NDUFS4: variants seen among roughly 807,000 people sequenced by gnomAD.
NDUFS4 encodes NADH dehydrogenase [ubiquinone] iron-sulfur protein 4, mitochondrial.
In NDUFS4, 28 loss-of-function variants were observed where a neutral mutation model predicts 24.3. The observed-to-expected ratio is 1.15, with a 90% CI of 0.85 to 1.58. The LOEUF (loss-of-function observed/expected upper bound fraction) is 1.58. Ranked by LOEUF, NDUFS4 falls within the 40% of genes most tolerant of loss-of-function variation. NDUFS4 has a pLI of 0.00. For synonymous variants in NDUFS4, 93 were observed against 69.7 expected, an observed-to-expected ratio of 1.34 and a Z score of -1.67; for missense variants, 223 against 207.9, an observed-to-expected ratio of 1.07 and a Z score of -0.45.
At chr5:53,656,632 A>G (rs932692609) in intron 3 of NDUFS4, among the ~76,000 whole-genome samples, 8 of 152,220 alleles carry the variant, frequency 5.3e-5, no homozygotes, top group African/African-American at 1.9e-4. Flanking sequence ...TCAGGGGAGT[A>G]ATTAAAAAGA....
At chr5:53,650,580 T>C (rs1751988703) in intron 3 of NDUFS4, among the ~76,000 whole-genome samples, 1 of 152,234 alleles carries the variant, frequency 6.6e-6, no homozygotes, top group Non-Finnish European at 1.5e-5. Flanking sequence ...TGTCTCTGTC[T>C]TCAGAAATAA....
intron 2 of NDUFS4, among the ~76,000 whole-genome samples, chr5:53,610,928 G>A (rs72751863): frequency 0.13 from 19,067 of 152,030 alleles, 1,267 homozygotes; most frequent in Middle Eastern, 0.16. Flanking sequence ...AATTTAGGTT[G>A]TCATACTTAT....
At chr5:53,605,786 G>A (rs1202962036) in intron 2 of NDUFS4, among the ~76,000 whole-genome samples, 3 of 152,008 alleles carry the variant, frequency 2.0e-5, no homozygotes, top group African/African-American at 4.8e-5. Flanking sequence ...AGGCTGAGGC[G>A]GGCAGATCAC....
chr5:53,617,290 T>C (rs534337710), intron 2 of NDUFS4, among the ~76,000 whole-genome samples: 11 of 152,246 alleles, frequency 7.2e-5, no homozygotes, highest in African/African-American at 2.2e-4. Context: ...ACTCTCTGCT[T>C]CTTGAAATCT....
chr5:53,661,725 G>T (rs188248477), intron 4 of NDUFS4, among the ~76,000 whole-genome samples: 2 of 151,926 alleles, frequency 1.3e-5, no homozygotes, highest in Non-Finnish European at 2.9e-5. Context: ...ACGAAGTCCC[G>T]TGTAAGTTGG....
intron 2 of NDUFS4, among the ~76,000 whole-genome samples, chr5:53,630,334 C>T (rs547065347): frequency 5.9e-5 from 9 of 151,990 alleles, no homozygotes; most frequent in African/African-American, 1.4e-4. Flanking sequence ...TTTCAACCTT[C>T]GTGAATCCTA....
intron 1 of NDUFS4, among the ~76,000 whole-genome samples, chr5:53,582,316 T>C (rs1225757359): frequency 2.0e-5 from 3 of 152,130 alleles, no homozygotes; most frequent in Admixed American, 6.5e-5. Flanking sequence ...AAGATACTTA[T>C]CCATTTATTT....
intron 4 of NDUFS4, among the ~76,000 whole-genome samples, chr5:53,678,884 C>T (rs1740564225): frequency 1.3e-5 from 2 of 152,096 alleles, no homozygotes; most frequent in South Asian, 4.1e-4. Context: ...CTTTTTAGCT[C>T]AGCTTCCCTG....
At chr5:53,647,832 T>G (rs1751910941) in intron 3 of NDUFS4, among the ~76,000 whole-genome samples, 1 of 152,214 alleles carries the variant, frequency 6.6e-6, no homozygotes, top group African/African-American at 2.4e-5. Context: ...TGGGAGACTT[T>G]TTTTAGAAAA....
chr5:53,639,135 T>TA (rs1751636824), intron 2 of NDUFS4, among the ~76,000 whole-genome samples: 1 of 152,000 alleles, frequency 6.6e-6, no homozygotes, highest in South Asian at 2.1e-4. Flanking sequence ...GAACTTCTCT[T>TA]ACCAAAAAAT....
At chr5:53,673,920 A>C (rs536455148) in intron 4 of NDUFS4, among the ~76,000 whole-genome samples, 1 of 152,146 alleles carries the variant, frequency 6.6e-6, no homozygotes, top group Non-Finnish European at 1.5e-5. Flanking sequence ...TCATTAACCA[A>C]CTCAGAGATA....
At chr5:53,651,759 G>T (rs1374794504) in intron 3 of NDUFS4, among the ~76,000 whole-genome samples, 2 of 144,290 alleles carry the variant, frequency 1.4e-5, no homozygotes, top group Non-Finnish European at 3.0e-5. Context: ...AGGGGATCTT[G>T]GGCTTAACTT....
chr5:53,672,245 A>C (rs758736503), intron 4 of NDUFS4, among the ~76,000 whole-genome samples: 1 of 152,046 alleles, frequency 6.6e-6, no homozygotes, highest in African/African-American at 2.4e-5. Context: ...AAAAAAAAAA[A>C]CTTTCAAAAC....
chr5:53,634,852 G>A (rs1467315355), intron 2 of NDUFS4, among the ~76,000 whole-genome samples: 1 of 151,670 alleles, frequency 6.6e-6, no homozygotes, highest in African/African-American at 2.4e-5. Flanking sequence ...CTGAAAAGCT[G>A]CCAGGTATCC....
chr5:53,643,399 A>G (rs961484848), intron 2 of NDUFS4, among the ~76,000 whole-genome samples: 2 of 152,280 alleles, frequency 1.3e-5, no homozygotes, highest in Non-Finnish European at 2.9e-5. Context: ...TATAATTTAA[A>G]TAGTTTGCGG....
chr5:53,658,252 C>T (rs1291368595), intron 3 of NDUFS4, among the ~76,000 whole-genome samples: 1 of 152,000 alleles, frequency 6.6e-6, no homozygotes, highest in Non-Finnish European at 1.5e-5. Flanking sequence ...TTTAAGAATC[C>T]TCTTGGGTTT....
intron 1 of NDUFS4, among the ~76,000 whole-genome samples, chr5:53,596,576 A>T (rs2112448725): frequency 6.6e-6 from 1 of 152,340 alleles, no homozygotes; most frequent in African/African-American, 2.4e-5. Flanking sequence ...GATTCAAGAT[A>T]TTGAAAAGCT....
intron 1 of NDUFS4, among the ~76,000 whole-genome samples, chr5:53,593,290 A>G (rs988835860): frequency 2.6e-5 from 4 of 151,664 alleles, no homozygotes; most frequent in Non-Finnish European, 5.9e-5. Flanking sequence ...AGCCCATTTC[A>G]TTTAAGTTAT....
At chr5:53,633,327 C>T (rs1304552366) in intron 2 of NDUFS4, among the ~76,000 whole-genome samples, 1 of 152,130 alleles carries the variant, frequency 6.6e-6, no homozygotes, top group Admixed American at 6.5e-5. Context: ...TGTGACCTTC[C>T]CCACTCCCTG....
Sources: gnomAD v4.1 joint callset for allele counts (sites outside exome capture counted in the v4.1 genomes callset) on GRCh38, gnomAD v4.1.1 for gene constraint, MANE v1.5 for transcripts, NCBI Gene and HGNC (gene_info 2026-07-23, HGNC 2026-07-21) for gene names.